The following TMPRSS11A variants were observed in gnomAD, a reference collection of about 807,000 sequenced individuals.
The protein encoded by TMPRSS11A is transmembrane protease serine 11A.
In TMPRSS11A, 53 loss-of-function variants were observed where a neutral mutation model predicts 58.9. The ratio of observed to expected loss-of-function variants is 0.90; its 90% CI spans 0.72 to 1.13. The LOEUF is 1.13. Ranked by LOEUF, TMPRSS11A falls within the 50% of genes most tolerant of loss-of-function variation. The pLI, the probability that TMPRSS11A is intolerant of heterozygous loss-of-function variation, is 0.00. For missense variants in TMPRSS11A, 493 were observed against 499.3 expected, an observed-to-expected ratio of 0.99 and a Z score of 0.12; for synonymous variants, 167 against 169.8, an observed-to-expected ratio of 0.98 and a Z score of 0.13.
chr4:67,942,828 T>C (rs1015818384), intron 3 of TMPRSS11A, among the ~76,000 whole-genome samples: 2 of 152,142 alleles, frequency 1.3e-5, no homozygotes, highest in African/African-American at 4.8e-5. Context: ...ATACACACTA[T>C]GAATTAGCAG....
intron 1 of TMPRSS11A, among the ~76,000 whole-genome samples, chr4:67,951,756 C>G (rs2109767622): frequency 6.6e-6 from 1 of 152,266 alleles, no homozygotes. Context: ...GGTCAGCTTT[C>G]CAGGCCAAAC....
intron 4 of TMPRSS11A, among the ~76,000 whole-genome samples, chr4:67,930,732 A>G (rs1045597929): frequency 6.7e-6 from 1 of 149,866 alleles, no homozygotes; most frequent in Non-Finnish European, 1.5e-5. Context: ...TAAAATAGGA[A>G]AAGCAATTAC....
Position 67,930,014 on chromosome 4 carries a change from T to C in TMPRSS11A, c.347A>G (p.Asp116Gly), listed in dbSNP as rs1035398336. The change falls in exon 5 of 10, where the codon GAT (aspartate) becomes GGT (glycine). Residue 116 changes from aspartate (D) to glycine (G), a missense_variant. Physicochemically the swap from Asp to Gly is moderately conservative, Grantham distance 94. Transcript: ENST00000508048. ...GGGGAACTGGAACACCATAATGACA[T>C]CTACTTTCACACCATCTTCCTCTGG... ...LTPEEDGVKV[D>G]VIMVFQFPST... The C allele has an allele frequency of 6.2e-6, 10 of 1,612,924 alleles. No individual in the cohort carries two copies. In the Admixed American group the frequency reaches 8.3e-5, roughly 13 times the overall value.
At chr4:67,932,838 A>G (rs1431506519) in intron 3 of TMPRSS11A, among the ~76,000 whole-genome samples, 1 of 152,104 alleles carries the variant, frequency 6.6e-6, no homozygotes, top group Non-Finnish European at 1.5e-5. Context: ...TTTGTTACTC[A>G]GTTTATGTCA....
intron 8 of TMPRSS11A, 120 bp from the exon 9 acceptor site, chr4:67,914,850 A>G (rs1720106117): frequency 4.0e-6 from 3 of 758,486 alleles, no homozygotes; most frequent in Admixed American, 3.0e-5. Context: ...TGAAGTTAAT[A>G]TAAGCAGTTT....
Position 67,944,505 on chromosome 4 carries a change from T to C in TMPRSS11A, c.252+14A>G. On this transcript the variant is annotated intron_variant, in intron 3 of 9. Transcript: ENST00000508048. The stretch of plus-strand genomic sequence containing the variant: ...TGCATTATTCTATGATAAAAAGAAG[T>C]TTACCTGACTCACCAAATTTTCGGT... 6.2e-7 allele frequency: 1 copy of C among 1,603,160 alleles called. No homozygotes were observed. Among genetic ancestry groups the C allele is most frequent in the Non-Finnish European group, 8.5e-7 (1 of 1,176,174 alleles).
rs1000680276 is a variant in TMPRSS11A, at chr4:67,914,397, A to G, written c.1095+191T>C. Among the ~76,000 whole-genome samples the G allele has an allele frequency of 6.9e-4, 105 of 152,232 alleles. 1 individual carries two copies. On this transcript the variant is annotated intron_variant, in intron 9 of 9. Coordinates refer to ENST00000508048, the MANE Select transcript of TMPRSS11A (RefSeq NM_001114387.2). ...ATTCTAATTTTGTTTGTTTGATAGC[A>G]TCAGAGAAACTCTTACTTCATTTAT... is the stretch of plus-strand genomic sequence containing the variant.
rs961776060 is a variant in TMPRSS11A, at chr4:67,919,008, A to C, written c.917T>G (p.Val306Gly). The C allele has an allele frequency of 9.3e-6, 15 of 1,614,078 alleles. No homozygotes were observed. Among genetic ancestry groups the C allele is most frequent in the African/African-American group, 1.3e-5 (1 of 74,920 alleles). The change falls in exon 8 of 10, where the codon GTC (valine) becomes GGC (glycine). Residue 306 changes from valine (V) to glycine (G), a missense_variant. Coordinates refer to ENST00000508048, the MANE Select transcript of TMPRSS11A (RefSeq NM_001114387.2). The part of the protein sequence containing the change: ...ASASFQPNLT[V>G]HITGFGALYY... ...AAGTGCTCCAAATCCTGTGATGTGG[A>C]CAGTCAAATTTGGTTGGAAGGATGC...
chr4:67,941,830 CT>C (rs1367549800), intron 3 of TMPRSS11A, among the ~76,000 whole-genome samples: 3 of 152,058 alleles, frequency 2.0e-5, no homozygotes, highest in African/African-American at 7.2e-5. Flanking sequence ...AGAAGGACTT[CT>C]TAAAGAAAAG....
intron 1 of TMPRSS11A, among the ~76,000 whole-genome samples, chr4:67,956,128 A>C (rs1179643674): frequency 6.6e-6 from 1 of 152,164 alleles, no homozygotes. Flanking sequence ...AAAGCCATGA[A>C]ATAAGCAAAT....
intron 1 of TMPRSS11A, among the ~76,000 whole-genome samples, chr4:67,953,311 A>G (rs745915395): frequency 2.0e-5 from 3 of 152,192 alleles, no homozygotes; most frequent in Non-Finnish European, 2.9e-5. Context: ...AGTGCCTTTA[A>G]TGGTTTCAAA....
intron 3 of TMPRSS11A, among the ~76,000 whole-genome samples, chr4:67,936,391 T>C (rs1720754510): frequency 6.7e-6 from 1 of 150,342 alleles, no homozygotes; most frequent in Admixed American, 6.6e-5. Context: ...CAAGCCTGGA[T>C]AGAGCTTAGT....
intron 5 of TMPRSS11A, among the ~76,000 whole-genome samples, chr4:67,929,038 G>A (rs1720545355): frequency 6.6e-6 from 1 of 152,182 alleles, no homozygotes; most frequent in South Asian, 2.1e-4. Context: ...ATCAAAGCCA[G>A]AATTTTTAAG....
In TMPRSS11A at chr4:67,946,699, A is replaced by G. The variant is rs1175966781; in HGVS notation, c.12-128T>C. 7.6e-6 allele frequency: 7 copies of G among 919,186 alleles called. No individual in the cohort carries two copies. In the East Asian group the frequency reaches 8.9e-5, roughly 12 times the overall value. The allele number at this position is 919,186 out of a possible 1,614,324, so 56.9% of individuals were successfully genotyped here. On this transcript the variant is annotated intron_variant, in intron 1 of 9. Transcript: ENST00000508048. ...GCAAAAAGGTCTTTAATTTTGTTCA[A>G]TGTCATCTTGGTCTGAGAAGATGTG...
In TMPRSS11A at chr4:67,961,482, C is replaced by CTTT. The variant is rs1721418705; in HGVS notation, c.11+1900_11+1901insAAA. ...CTTTTCTTTCCTTTCCTTTTCTTTTCCTTTTTTTTTTTTTTTTTTTTTTTT... is the reference window on the plus strand; with the variant it reads ...CTTTTCTTTCCTTTCCTTTTCTTTTCTTTCTTTTTTTTTTTTTTTTTTTTTTTT... On this transcript the variant is annotated intron_variant, in intron 1 of 9. Transcript: ENST00000508048. Among the ~76,000 whole-genome samples, 135 of 102,422 alleles carry CTTT rather than the reference C, an allele frequency of 1.3e-3. 47 individuals carry two copies. The highest frequency in any genetic ancestry group is 5.6e-3 in the Middle Eastern group (1 of 180). 67.2% of individuals were successfully genotyped at this position (102,422 alleles called of 152,430 possible). A position where few individuals can be genotyped will look rare whatever the true frequency, so the allele number is the denominator to read the frequency against.
At chr4:67,932,590 T>G (rs1041935517) in intron 3 of TMPRSS11A, among the ~76,000 whole-genome samples, 1 of 152,170 alleles carries the variant, frequency 6.6e-6, no homozygotes, top group Non-Finnish European at 1.5e-5. Context: ...CATAAGGCTA[T>G]GAAGGTTAAA....
At chr4:67,913,822 C>T (rs972937866) in intron 9 of TMPRSS11A, among the ~76,000 whole-genome samples, 1 of 152,202 alleles carries the variant, frequency 6.6e-6, no homozygotes, top group African/African-American at 2.4e-5. Context: ...CTTTCTGCCA[C>T]CTGATATCAA....
At chr4:67,924,550 GCTGATAAAGACATAT>G (rs1245307349) in intron 5 of TMPRSS11A, among the ~76,000 whole-genome samples, 1 of 152,180 alleles carries the variant, frequency 6.6e-6, no homozygotes, top group African/African-American at 2.4e-5. Flanking sequence ...TTTTCACACT[GCTGATAAAGACATAT>G]CTGAGACTGG....
intron 8 of TMPRSS11A, among the ~76,000 whole-genome samples, chr4:67,915,971 A>G (rs952678425): frequency 1.3e-5 from 2 of 152,230 alleles, no homozygotes; most frequent in Admixed American, 1.3e-4. Flanking sequence ...TATAGTCACC[A>G]TGATGGATGA....
Sources: allele counts gnomAD v4.1 joint callset (sites outside exome capture counted in the v4.1 genomes callset), GRCh38; gene constraint gnomAD v4.1.1; transcripts MANE v1.5; gene names NCBI Gene and HGNC (gene_info 2026-07-23, HGNC 2026-07-21).